Variants in FHIP2A observed in about 807,000 individuals in gnomAD.
FHIP2A encodes family with sequence similarity 160 member B1.
A neutral mutation model predicts 93.5 loss-of-function variants in FHIP2A; 46 were observed. That is an observed-to-expected ratio of 0.49 (90% CI 0.39 to 0.63). FHIP2A has a LOEUF of 0.63. Ranked by LOEUF, FHIP2A falls within the 20% of genes least tolerant of loss-of-function variation. The pLI is 0.00. For missense variants in FHIP2A, 769 were observed against 909.7 expected (o/e 0.85, Z 1.99); for synonymous variants, 332 against 326.5 (o/e 1.02, Z -0.18).
downstream of FHIP2A, among the ~76,000 whole-genome samples, chr10:114,868,832 A>G (rs2143014034): frequency 6.6e-6 from 1 of 152,294 alleles, no homozygotes; most frequent in East Asian, 1.9e-4. Context: ...ATGATGTGCT[A>G]AAGTTGTCCG....
At chr10:114,871,101 A>AATATATATACTGTTATATATATATATTAT (rs2083857575) in intron 16 of FHIP2A, among the ~76,000 whole-genome samples, 1 of 147,876 alleles carries the variant, frequency 6.8e-6, no homozygotes, top group Non-Finnish European at 1.5e-5. Context: ...TTAAATATGT[A>AATATATATACTGTTATATATATATATTAT]ATATATATAC....
rs145085651 is a variant in FHIP2A, at chr10:114,857,856, C to T, written c.1947+2516C>T. Among the ~76,000 whole-genome samples, 1,229 of 152,056 alleles carry T rather than the reference C, an allele frequency of 8.1e-3. 9 individuals are homozygous for T. The highest frequency in any genetic ancestry group is 0.028 in the African/African-American group (1,172 of 41,466). On this transcript the variant is annotated intron_variant, in intron 14 of 16. Coordinates refer to ENST00000369248, the MANE Select transcript of FHIP2A (RefSeq NM_020940.4). ...TACAAACATTTACTATTGTTTGTAA[C>T]GGTGGTGATTTTAAAAAGATAGTAA...
At chr10:114,898,133 C>T (rs1009806459) in intron 16 of FHIP2A, among the ~76,000 whole-genome samples, 6 of 152,134 alleles carry the variant, frequency 3.9e-5, no homozygotes, top group Non-Finnish European at 8.8e-5. Flanking sequence ...GACAGTGCCC[C>T]TTTTCAACTG....
intron 16 of FHIP2A, among the ~76,000 whole-genome samples, chr10:114,877,702 A>G (rs570509483): frequency 1.6e-4 from 24 of 152,298 alleles, no homozygotes; most frequent in African/African-American, 5.8e-4. Context: ...GAAAATTTTA[A>G]TTTTAGACAA....
chr10:114,832,540 A>T (rs2083613299), intron 2 of FHIP2A, among the ~76,000 whole-genome samples: 1 of 152,096 alleles, frequency 6.6e-6, no homozygotes, highest in Non-Finnish European at 1.5e-5. Flanking sequence ...TAAAGTTCAG[A>T]TCTTCTGAAC....
rs1338320836 is a variant in FHIP2A at position 114,870,974 on chromosome 10, G to A, written c.2192+9640G>A. Among the ~76,000 whole-genome samples the A allele has an allele frequency of 3.3e-5, 5 of 151,896 alleles. No homozygotes were observed. In the East Asian group the frequency reaches 5.8e-4, roughly 18 times the overall value. The stretch of plus-strand genomic sequence containing the variant: ...TCCTTTGACGTTATTGTTCCTATCT[G>A]TATCACCTCAGCAATGGGTCCATAG... On this transcript the variant is annotated intron_variant, in intron 16 of 16. Transcript: ENST00000369250.
chr10:114,868,063 G>C (rs975709257), downstream of FHIP2A, among the ~76,000 whole-genome samples: 2 of 151,886 alleles, frequency 1.3e-5, no homozygotes, highest in African/African-American at 2.4e-5. Context: ...GAGTAGTTGG[G>C]ATTACAGGCA....
intron 14 of FHIP2A, among the ~76,000 whole-genome samples, chr10:114,860,386 C>T (rs1485654408): frequency 6.6e-6 from 1 of 152,040 alleles, no homozygotes; most frequent in Non-Finnish European, 1.5e-5. Context: ...GAGTTTCGCT[C>T]TTGTTGCCCA....
Position 114,842,996 on chromosome 10 carries a change from G to C in FHIP2A, c.586G>C (p.Gly196Arg). 1 of 1,613,214 alleles carries C rather than the reference G, an allele frequency of 6.2e-7. No homozygotes were observed. The highest frequency in any genetic ancestry group is 8.5e-7 in the Non-Finnish European group (1 of 1,179,250). Residue 196 changes from glycine (G) to arginine (R), a missense_variant, in exon 6 of 17, where the codon GGT becomes CGT. Gly to Arg is a moderately radical substitution (Grantham distance 125, BLOSUM62 -2). Transcript: ENST00000369248. ...PNVISEDTLK[G>R]QDSLSTDTGQ... ...TGTAATTTCAGAAGATACATTAAAA[G>C]GTCAGGATTCCTTGTCAACAGATAC...
At chr10:114,860,648 G>C in intron 14 of FHIP2A, 101 bp from the exon 15 acceptor site, 1 of 1,002,452 alleles carries the variant, frequency 1.0e-6, no homozygotes, top group South Asian at 1.4e-5. Flanking sequence ...CACTGGGCCT[G>C]GCCAGATTCT....
chr10:114,883,040 A>G (rs1212394249), intron 16 of FHIP2A, among the ~76,000 whole-genome samples: 3 of 152,158 alleles, frequency 2.0e-5, no homozygotes, highest in African/African-American at 7.2e-5. Context: ...GTGACAGGGT[A>G]GGATGCTGGG....
At position 114,863,563 on chromosome 10, in the gene FHIP2A, CTT is replaced by C; in HGVS notation, c.*2025_*2026del. 10 of 1,210,272 alleles carry C rather than the reference CTT, an allele frequency of 8.3e-6. No individual in the cohort carries two copies. In the South Asian group the frequency reaches 1.3e-4, roughly 16 times the overall value. The allele number at this position is 1,210,272 out of a possible 1,614,324, so 75.0% of individuals were successfully genotyped here. ...TAATTTTTCTAAGTTGTTGTAATGA[CTT>C]TAATTTGTAATCAGCTAAGGCTTAA... On this transcript the variant is annotated 3_prime_UTR_variant, in exon 17 of 17. Transcript: ENST00000369248.
intron 5 of FHIP2A, among the ~76,000 whole-genome samples, chr10:114,838,753 C>T (rs2083650621): frequency 6.6e-6 from 1 of 152,174 alleles, no homozygotes; most frequent in African/African-American, 2.4e-5. Context: ...GTGAGGTACA[C>T]TGTATGTACC....
Position 114,861,632 on chromosome 10 carries a change from GC to G in FHIP2A, c.*94del. ...CCACCCAGCCACAAGAGGATAAAAA[GC>G]CTTTTTAAACGCAGTATTGCTGTAA... On this transcript the variant is annotated 3_prime_UTR_variant, in exon 17 of 17. Coordinates refer to ENST00000369248, the MANE Select transcript of FHIP2A (RefSeq NM_020940.4). 6.6e-7 allele frequency: 1 copy of G among 1,507,884 alleles called. No homozygotes were observed. The highest frequency in any genetic ancestry group is 8.8e-7 in the Non-Finnish European group (1 of 1,134,348). 93.4% of individuals were successfully genotyped at this position (1,507,884 alleles called of 1,614,324 possible). A position where few individuals can be genotyped will look rare whatever the true frequency, so the allele number is the denominator to read the frequency against.
chr10:114,889,256 G>T (rs954722375), intron 16 of FHIP2A, among the ~76,000 whole-genome samples: 1 of 152,068 alleles, frequency 6.6e-6, no homozygotes, highest in African/African-American at 2.4e-5. Context: ...AAGGTTGAGA[G>T]GAGAAGGCAG....
At chr10:114,880,752 G>T (rs2083913089) in intron 16 of FHIP2A, among the ~76,000 whole-genome samples, 1 of 151,126 alleles carries the variant, frequency 6.6e-6, no homozygotes, top group Admixed American at 6.6e-5. Context: ...GTGTTGCATG[G>T]GTGTAGATAT....
At chr10:114,851,042 T>C (rs971973603) in intron 13 of FHIP2A, among the ~76,000 whole-genome samples, 4 of 152,114 alleles carry the variant, frequency 2.6e-5, no homozygotes, top group African/African-American at 7.2e-5. Flanking sequence ...GCCTCCCGAG[T>C]AGCTGGGATT....
intron 12 of FHIP2A, 56 bp from the exon 13 acceptor site, chr10:114,848,591 C>CTT: frequency 3.5e-5 from 30 of 853,372 alleles, no homozygotes; most frequent in Non-Finnish European, 4.6e-5. Context: ...CTACTTTTTC[C>CTT]TTTTTTTTTT....
At position 114,843,954 on chromosome 10, in the gene FHIP2A, G is replaced by A. The variant is rs1409690018; in HGVS notation, c.1013+17G>A. 1.3e-6 allele frequency: 2 copies of A among 1,533,002 alleles called. No individual in the cohort carries two copies. The highest frequency in any genetic ancestry group is 1.3e-5 in the South Asian group (1 of 76,962). The allele number at this position is 1,533,002 out of a possible 1,614,324, so 95.0% of individuals were successfully genotyped here. A position where few individuals can be genotyped will look rare whatever the true frequency, so the allele number is the denominator to read the frequency against. On this transcript the variant is annotated intron_variant, in intron 7 of 16. Coordinates refer to ENST00000369248, the MANE Select transcript of FHIP2A (RefSeq NM_020940.4). ...TAACTGGGGGTAAGCACCGTTACTT[G>A]TATTTTCCCATAAAGGTGACTTCTT...
Sources: gnomAD v4.1 joint callset for allele counts (sites outside exome capture counted in the v4.1 genomes callset) on GRCh38, gnomAD v4.1.1 for gene constraint, MANE v1.5 for transcripts, NCBI Gene and HGNC (gene_info 2026-07-23, HGNC 2026-07-21) for gene names.